The following LOC128462377 variants were observed in gnomAD, a reference collection of about 807,000 sequenced individuals.
the LOC128462377 span, among the ~76,000 whole-genome samples, chr16:89,334,144 T>TAAAAAAAAAAAAAAAAAAAAAAA: frequency 4.8e-5 from 2 of 41,410 alleles, no homozygotes; most frequent in African/African-American, 1.9e-4. Flanking sequence ...CCCTGTGTTT[T>TAAAAAAAAAAAAAAAAAAAAAAA]AAAAAAAAAA....
At chr16:89,392,555 G>C in the LOC128462377 span, 1 of 152,002 alleles carries the variant, frequency 6.6e-6, no homozygotes. Context: ...AGATGCTCCA[G>C]GGTCCATGCA....
chr16:89,335,303 C>G, the LOC128462377 span, among the ~76,000 whole-genome samples: 7 of 152,186 alleles, frequency 4.6e-5, no homozygotes, highest in African/African-American at 1.4e-4. Context: ...GGGGCTGCAA[C>G]AGGGCTGCAC....
chr16:89,358,280 C>G, the LOC128462377 span, among the ~76,000 whole-genome samples: 5 of 152,278 alleles, frequency 3.3e-5, no homozygotes, highest in Non-Finnish European at 7.3e-5. Flanking sequence ...GTAGAGCACA[C>G]AGGCGTGTTC....
At chr16:89,410,366 AACAAAGGCTG>A in the LOC128462377 span, among the ~76,000 whole-genome samples, 1 of 152,250 alleles carries the variant, frequency 6.6e-6, no homozygotes, top group Non-Finnish European at 1.5e-5. Context: ...ATAAATTTTA[AACAAAGGCTG>A]ACTGTACCAA....
chr16:89,402,186 C>A, the LOC128462377 span, among the ~76,000 whole-genome samples: 2 of 152,182 alleles, frequency 1.3e-5, no homozygotes, highest in African/African-American at 4.8e-5. Flanking sequence ...CTACAGTTCA[C>A]TGCATGAAAG....
the LOC128462377 span, among the ~76,000 whole-genome samples, chr16:89,364,835 G>A: frequency 2.0e-5 from 3 of 152,134 alleles, no homozygotes; most frequent in African/African-American, 7.2e-5. Context: ...TCAGCACCAC[G>A]GCCAACCTGA....
the LOC128462377 span, among the ~76,000 whole-genome samples, chr16:89,376,961 C>A: frequency 6.6e-6 from 1 of 152,214 alleles, no homozygotes; most frequent in Non-Finnish European, 1.5e-5. Flanking sequence ...AAGATAAACA[C>A]CAGCTGCCAG....
the LOC128462377 span, among the ~76,000 whole-genome samples, chr16:89,384,804 C>A: frequency 6.7e-6 from 1 of 149,494 alleles, no homozygotes; most frequent in African/African-American, 2.5e-5. Flanking sequence ...GACAGCCCAA[C>A]AACAGAACCG....
chr16:89,360,468 CTA>C, the LOC128462377 span: 1 of 152,182 alleles, frequency 6.6e-6, no homozygotes, highest in African/African-American at 2.4e-5. Context: ...TTCTGAGAAA[CTA>C]TATACCACAA....
the LOC128462377 span, among the ~76,000 whole-genome samples, chr16:89,410,902 T>C: frequency 6.6e-6 from 1 of 152,160 alleles, no homozygotes; most frequent in African/African-American, 2.4e-5. Context: ...CACAGAGCCT[T>C]ATGTACTGGG....
chr16:89,365,495 G>A, the LOC128462377 span, among the ~76,000 whole-genome samples: 35 of 152,334 alleles, frequency 2.3e-4, no homozygotes, highest in Admixed American at 1.9e-3. Flanking sequence ...CAGCCTTACC[G>A]TGCTGCTGAG....
At chr16:89,360,905 G>A in the LOC128462377 span, among the ~76,000 whole-genome samples, 1 of 152,148 alleles carries the variant, frequency 6.6e-6, no homozygotes, top group Non-Finnish European at 1.5e-5. Flanking sequence ...CAGAATCCAC[G>A]GTCTCTTGCC....
chr16:89,409,295 C>G, the LOC128462377 span, among the ~76,000 whole-genome samples: 1 of 152,214 alleles, frequency 6.6e-6, no homozygotes, highest in Non-Finnish European at 1.5e-5. Context: ...CAAGAAAGCT[C>G]AAACCCCCAC....
the LOC128462377 span, among the ~76,000 whole-genome samples, chr16:89,349,304 C>T: frequency 6.6e-6 from 1 of 151,826 alleles, no homozygotes; most frequent in Non-Finnish European, 1.5e-5. Context: ...CACGGTGAAA[C>T]CCCATCTCTA....
chr16:89,384,879 C>CTTTTTTTTTTTTCTTTTTTT, the LOC128462377 span, among the ~76,000 whole-genome samples: 1 of 49,910 alleles, frequency 2.0e-5, no homozygotes, highest in Non-Finnish European at 3.5e-5. Flanking sequence ...AAATAGTTTT[C>CTTTTTTTTTTTTCTTTTTTT]TTTTTTTTTT....
the LOC128462377 span, among the ~76,000 whole-genome samples, chr16:89,389,741 G>A: frequency 3.3e-5 from 5 of 151,578 alleles, no homozygotes; most frequent in African/African-American, 7.3e-5. Flanking sequence ...GGCAAACACC[G>A]AGTGTGGCGG....
At chr16:89,335,746 G>C in the LOC128462377 span, among the ~76,000 whole-genome samples, 1 of 152,228 alleles carries the variant, frequency 6.6e-6, no homozygotes, top group African/African-American at 2.4e-5. Flanking sequence ...CACTGACCGT[G>C]ACAGGCCCCA....
chr16:89,369,617 G>A, the LOC128462377 span, among the ~76,000 whole-genome samples: 1 of 152,220 alleles, frequency 6.6e-6, no homozygotes, highest in Non-Finnish European at 1.5e-5. Flanking sequence ...GAAAGGGAGG[G>A]GGTGCGGTCA....
At chr16:89,364,728 G>A in the LOC128462377 span, among the ~76,000 whole-genome samples, 1 of 152,220 alleles carries the variant, frequency 6.6e-6, no homozygotes, top group Non-Finnish European at 1.5e-5. Context: ...TGGGCCGCGG[G>A]CTGGACAAGC....
Sources: gnomAD v4.1 joint callset for allele counts (sites outside exome capture counted in the v4.1 genomes callset) on GRCh38, gnomAD v4.1.1 for gene constraint, MANE v1.5 for transcripts.